Variants in PHLDB2 observed in about 807,000 individuals in gnomAD.
PHLDB2 encodes pleckstrin homology like domain family B member 2, also known as pleckstrin homology-like domain family B member 2.
Under a neutral mutation model 123.6 loss-of-function variants are expected in PHLDB2, and 71 were observed. The ratio of observed to expected loss-of-function variants is 0.57; its 90% CI spans 0.47 to 0.70. The LOEUF is 0.70. PHLDB2 is among the 30% of genes least tolerant of loss of function. PHLDB2 has a pLI of 0.00. For synonymous variants in PHLDB2, 547 were observed against 541.6 expected (o/e 1.01, Z -0.14); for missense variants, 1,446 against 1,519.5 (o/e 0.95, Z 0.80).
chr3:111,859,607 A>AG, intron 1 of PHLDB2, 31 bp downstream of exon 1: 1 of 984,880 alleles, frequency 1.0e-6, no homozygotes, highest in Non-Finnish European at 1.2e-6. Context: ...GCCCGGGAGG[A>AG]GGGGGTGGTG....
chr3:111,939,679 G>A, intron 7 of PHLDB2, 49 bp downstream of exon 7: 1 of 1,532,648 alleles, frequency 6.5e-7, no homozygotes, highest in Non-Finnish European at 8.9e-7. Context: ...ATATATTTCT[G>A]CTTAACATAG....
chr3:111,904,043 C>T (rs112384680), intron 2 of PHLDB2, among the ~76,000 whole-genome samples: 125 of 152,140 alleles, frequency 8.2e-4, no homozygotes, highest in African/African-American at 2.7e-3. Flanking sequence ...TTTGGGAGGC[C>T]GAGGCGGGCA....
chr3:111,946,935 G>C (rs944432452), intron 9 of PHLDB2, among the ~76,000 whole-genome samples: 1 of 152,166 alleles, frequency 6.6e-6, no homozygotes, highest in Non-Finnish European at 1.5e-5. Flanking sequence ...GAAGGAGTTA[G>C]CTGGATTAGC....
intron 2 of PHLDB2, among the ~76,000 whole-genome samples, chr3:111,901,195 TA>T (rs2067180504): frequency 6.8e-6 from 1 of 146,318 alleles, no homozygotes; most frequent in South Asian, 2.1e-4. Context: ...CCATCTCTAC[TA>T]AAAATACAAA....
At chr3:111,739,573 TAA>T (rs1231413646) in intron 1 of PHLDB2, among the ~76,000 whole-genome samples, 781 of 11,730 alleles carry the variant, frequency 0.067, 11 homozygotes, top group Middle Eastern at 0.12. Flanking sequence ...CTTCTGAAGT[TAA>T]AAAAAAAAAA....
chr3:111,822,070 A>G (rs1434494375), intron 1 of PHLDB2, among the ~76,000 whole-genome samples: 1 of 152,024 alleles, frequency 6.6e-6, no homozygotes, highest in East Asian at 1.9e-4. Flanking sequence ...TTTTCAGGAA[A>G]CCCTATATTT....
chr3:111,762,691 G>A (rs887727719), intron 1 of PHLDB2, among the ~76,000 whole-genome samples: 17 of 152,064 alleles, frequency 1.1e-4, no homozygotes, highest in African/African-American at 3.6e-4. Context: ...ACTGCTGTAC[G>A]TAGTTTGTGT....
intron 1 of PHLDB2, among the ~76,000 whole-genome samples, chr3:111,808,539 C>T (rs1362983681): frequency 1.3e-5 from 2 of 150,624 alleles, no homozygotes; most frequent in East Asian, 1.9e-4. Flanking sequence ...GGTACACATG[C>T]AGGTTTGTTA....
chr3:111,801,115 C>T (rs769985855), intron 1 of PHLDB2, among the ~76,000 whole-genome samples: 1 of 152,152 alleles, frequency 6.6e-6, no homozygotes, highest in Non-Finnish European at 1.5e-5. Flanking sequence ...AGAGTAGACA[C>T]TTAATAAATA....
chr3:111,867,031 A>G (rs1361442030), intron 1 of PHLDB2, among the ~76,000 whole-genome samples: 1 of 150,202 alleles, frequency 6.7e-6, no homozygotes, highest in Non-Finnish European at 1.5e-5. Context: ...CAGTTTTATG[A>G]AGAAATCATT....
chr3:111,845,713 C>T (rs116644251), intron 1 of PHLDB2: 44 of 1,286,086 alleles, frequency 3.4e-5, no homozygotes, highest in East Asian at 2.6e-4. Context: ...TTAGTTTCCC[C>T]GGATGTTAAA....
Position 111,919,067 on chromosome 3 carries a change from C to T in PHLDB2, c.1720-5C>T, listed in dbSNP as rs765958478. On this transcript the variant is annotated splice_polypyrimidine_tract_variant and splice_region_variant and intron_variant, in intron 3 of 17. Coordinates refer to ENST00000431670, the MANE Select transcript of PHLDB2 (RefSeq NM_001134438.2). ...ATAATCCATTTCTGTGTTGATTAAT[C>T]GCAGACCCCAGAGGGTATAAGTGAA... 2.7e-5 allele frequency: 43 copies of T among 1,613,300 alleles called. No homozygotes were observed. The highest frequency in any genetic ancestry group is 3.3e-4 in the Middle Eastern group (2 of 6,080).
intron 5 of PHLDB2, among the ~76,000 whole-genome samples, chr3:111,921,933 G>C (rs2068534367): frequency 1.3e-5 from 2 of 152,190 alleles, no homozygotes; most frequent in Admixed American, 1.3e-4. Flanking sequence ...GGTAGTGGGT[G>C]TATTTTTCCT....
At chr3:111,837,234 T>C (rs1049286946) in intron 1 of PHLDB2, among the ~76,000 whole-genome samples, 3 of 152,152 alleles carry the variant, frequency 2.0e-5, no homozygotes, top group Non-Finnish European at 2.9e-5. Flanking sequence ...TTTTAAAAAA[T>C]ATCTAAAGTT....
chr3:111,801,162 GC>G (rs1210039991), intron 1 of PHLDB2, among the ~76,000 whole-genome samples: 1 of 152,098 alleles, frequency 6.6e-6, no homozygotes, highest in Non-Finnish European at 1.5e-5. Context: ...AAATTACAGG[GC>G]CCAGTGGAAA....
At chr3:111,769,566 G>A (rs13095929) in intron 1 of PHLDB2, among the ~76,000 whole-genome samples, 98,426 of 152,030 alleles carry the variant, frequency 0.65, 34,506 homozygotes, top group East Asian at 0.84. Context: ...TACAGCATAC[G>A]ACTACAGTGC....
At chr3:111,855,629 C>CTTTTT (rs11368889), upstream of PHLDB2, among the ~76,000 whole-genome samples, 82 of 79,832 alleles carry the variant, frequency 1.0e-3, 1 homozygote, top group Admixed American at 1.6e-3. Flanking sequence ...CTGCATTTGT[C>CTTTTT]TTTTTTTTTT....
At chr3:111,840,168 C>T (rs1486131554) in intron 1 of PHLDB2, among the ~76,000 whole-genome samples, 3 of 151,772 alleles carry the variant, frequency 2.0e-5, no homozygotes, top group Non-Finnish European at 4.4e-5. Context: ...AGAAGAATTG[C>T]TTGAGCCCAG....
chr3:111,850,095 T>G lies in PHLDB2; in HGVS notation c.67+4160T>G, dbSNP rs548162148. On this transcript the variant is annotated intron_variant, in intron 2 of 17. Transcript: ENST00000393923. ...CCAGGATGGTCTCGATCTCCTGACC[T>G]TGTGATCCACCCACCTCGGCCTCCC... is the stretch of plus-strand genomic sequence containing the variant. Among the ~76,000 whole-genome samples, 8 of 151,924 alleles carry G rather than the reference T, an allele frequency of 5.3e-5. No individual in the cohort carries two copies. The East Asian group carries it at 1.6e-3, about 30-fold the overall frequency.
Sources: allele counts gnomAD v4.1 joint callset (sites outside exome capture counted in the v4.1 genomes callset), GRCh38; gene constraint gnomAD v4.1.1; transcripts MANE v1.5; gene names NCBI Gene and HGNC (gene_info 2026-07-23, HGNC 2026-07-21).